RBFOX3: variants seen among roughly 807,000 people sequenced by gnomAD.
RBFOX3 encodes RNA binding protein fox-1 homolog 3.
Under a neutral mutation model 48.7 loss-of-function variants are expected in RBFOX3, and 17 were observed. That is an observed-to-expected ratio of 0.35 (90% CI 0.24 to 0.52). The LOEUF (loss-of-function observed/expected upper bound fraction) is 0.52, where lower values mean the gene tolerates loss of function less well. Ranked by LOEUF, RBFOX3 falls within the 20% of genes least tolerant of loss-of-function variation. RBFOX3 has a pLI of 0.94. For synonymous variants in RBFOX3, 212 were observed against 209.5 expected (o/e 1.01, Z -0.10); for missense variants, 382 against 497.5 (o/e 0.77, Z 2.21).
intron 2 of RBFOX3, among the ~76,000 whole-genome samples, chr17:79,332,825 A>T (rs370439285): frequency 5.9e-4 from 89 of 151,932 alleles, no homozygotes; most frequent in African/African-American, 2.0e-3. Flanking sequence ...AGACAGAGAC[A>T]TAGAGAAAGA....
chr17:79,188,060 G>A (rs1037321965), intron 4 of RBFOX3, among the ~76,000 whole-genome samples: 16 of 152,254 alleles, frequency 1.1e-4, no homozygotes, highest in Admixed American at 9.2e-4. Context: ...AGAAAAGCCG[G>A]CAGAGGGTCC....
chr17:79,560,566 A>G (rs2092143603), intron 1 of RBFOX3, among the ~76,000 whole-genome samples: 1 of 152,182 alleles, frequency 6.6e-6, no homozygotes, highest in Non-Finnish European at 1.5e-5. Flanking sequence ...GTCCAGGAAC[A>G]TTGAAGAATA....
At chr17:79,193,806 A>T (rs2054999229) in intron 4 of RBFOX3, among the ~76,000 whole-genome samples, 1 of 152,182 alleles carries the variant, frequency 6.6e-6, no homozygotes, top group Non-Finnish European at 1.5e-5. Context: ...TACAGGAAAA[A>T]GTGGTCTGCT....
At chr17:79,431,985 C>A (rs781922239) in intron 2 of RBFOX3, among the ~76,000 whole-genome samples, 1 of 152,186 alleles carries the variant, frequency 6.6e-6, no homozygotes, top group African/African-American at 2.4e-5. Flanking sequence ...TGGTAAACAC[C>A]GACGTAATTT....
At chr17:79,406,958 G>A (rs1193330141) in intron 2 of RBFOX3, among the ~76,000 whole-genome samples, 1 of 152,210 alleles carries the variant, frequency 6.6e-6, no homozygotes, top group Non-Finnish European at 1.5e-5. Flanking sequence ...GGTGGAGAGA[G>A]AGGTGAGCTG....
intron 1 of RBFOX3, among the ~76,000 whole-genome samples, chr17:79,523,946 GC>G (rs2086467023): frequency 6.6e-6 from 1 of 152,090 alleles, no homozygotes; most frequent in Non-Finnish European, 1.5e-5. Context: ...GGAAAACGGG[GC>G]CAGACTTTCA....
chr17:79,097,765 A>C lies in RBFOX3; in HGVS notation c.569-20T>G, dbSNP rs542811285. The C allele has an allele frequency of 6.4e-7, 1 of 1,550,596 alleles. No homozygotes were observed. The highest frequency in any genetic ancestry group is 1.4e-5 in the African/African-American group (1 of 73,006). ...TCCAGCCTAAAACAAAGGCACAGAGACCTAGTCACTGCCTTCCCCGACCCT... is the reference window on the plus strand; with the variant it reads ...TCCAGCCTAAAACAAAGGCACAGAGCCCTAGTCACTGCCTTCCCCGACCCT... On this transcript the variant is annotated intron_variant, in intron 9 of 14. Transcript: ENST00000693108.
At chr17:79,548,914 C>A (rs964038407) in intron 1 of RBFOX3, among the ~76,000 whole-genome samples, 3 of 152,234 alleles carry the variant, frequency 2.0e-5, no homozygotes, top group Non-Finnish European at 2.9e-5. Flanking sequence ...TCGCTAGATA[C>A]CATGGTAATT....
At chr17:79,295,055 C>T (rs1452196838) in intron 3 of RBFOX3, among the ~76,000 whole-genome samples, 1 of 152,128 alleles carries the variant, frequency 6.6e-6, no homozygotes, top group Non-Finnish European at 1.5e-5. Flanking sequence ...TGAAGTCTAG[C>T]TTGCCTTTCC....
chr17:79,502,619 C>T (rs1263360338), intron 1 of RBFOX3, among the ~76,000 whole-genome samples: 1 of 152,224 alleles, frequency 6.6e-6, no homozygotes, highest in Non-Finnish European at 1.5e-5. Flanking sequence ...TTATCTCATG[C>T]CCCCAGCCTG....
At chr17:79,229,351 G>A (rs970902472) in intron 4 of RBFOX3, among the ~76,000 whole-genome samples, 2 of 149,846 alleles carry the variant, frequency 1.3e-5, no homozygotes, top group Non-Finnish European at 3.0e-5. Context: ...GAGGTCAGGA[G>A]TTTGACACCA....
chr17:79,292,351 G>A (rs138728127), intron 3 of RBFOX3, among the ~76,000 whole-genome samples: 1,532 of 152,084 alleles, frequency 0.01, 29 homozygotes, highest in African/African-American at 0.035. Context: ...ATTCTATTGT[G>A]CCTTCCTTGT....
At chr17:79,331,324 T>C (rs933980856) in intron 2 of RBFOX3, among the ~76,000 whole-genome samples, 4 of 152,138 alleles carry the variant, frequency 2.6e-5, no homozygotes, top group Admixed American at 6.5e-5. Flanking sequence ...TCGCCACATG[T>C]CTGGGATGGC....
intron 2 of RBFOX3, among the ~76,000 whole-genome samples, chr17:79,329,158 G>T (rs1323248745): frequency 6.6e-6 from 1 of 152,158 alleles, no homozygotes; most frequent in Non-Finnish European, 1.5e-5. Context: ...ATTCACATCT[G>T]CTCTGAGCTT....
At chr17:79,264,115 G>A (rs2066268739) in intron 3 of RBFOX3, among the ~76,000 whole-genome samples, 1 of 149,860 alleles carries the variant, frequency 6.7e-6, no homozygotes, top group African/African-American at 2.4e-5. Context: ...TTTTTAAGAC[G>A]GAGTTTTGCT....
chr17:79,219,758 C>T (rs2059490224), intron 4 of RBFOX3, among the ~76,000 whole-genome samples: 1 of 151,536 alleles, frequency 6.6e-6, no homozygotes, highest in Admixed American at 6.6e-5. Context: ...TCCCAGGGTC[C>T]GGTTTCCCAC....
At position 79,199,933 on chromosome 17, in the gene RBFOX3, G is replaced by A. The variant is rs1443359071; in HGVS notation, c.-34+35833C>T. Among the ~76,000 whole-genome samples the A allele has an allele frequency of 1.3e-5, 2 of 152,110 alleles. No homozygotes were observed. Among genetic ancestry groups the A allele is most frequent in the Admixed American group, 6.6e-5 (1 of 15,260 alleles). On this transcript the variant is annotated intron_variant, in intron 4 of 14. Coordinates refer to ENST00000693108, the MANE Select transcript of RBFOX3 (RefSeq NM_001350451.2). The surrounding 1 kb of genome is among the most constrained non-coding windows in gnomAD (Gnocchi z 5.1). ...CCCAGCACTTTGGGAGGCCGAGGTGGGTGGATCACCTGAAGTCAGGAGTTC... is the reference window on the plus strand; with the variant it reads ...CCCAGCACTTTGGGAGGCCGAGGTGAGTGGATCACCTGAAGTCAGGAGTTC...
chr17:79,449,940 G>A (rs1275480875), intron 2 of RBFOX3, among the ~76,000 whole-genome samples: 2 of 152,176 alleles, frequency 1.3e-5, no homozygotes, highest in Non-Finnish European at 2.9e-5. Context: ...TCACTCATTA[G>A]GCTAATCACA....
rs1214843715 is a variant in RBFOX3, at chr17:79,421,661, C to T, written c.-175+60793G>A. On this transcript the variant is annotated intron_variant, in intron 2 of 14. Coordinates refer to ENST00000693108, the MANE Select transcript of RBFOX3 (RefSeq NM_001350451.2). The surrounding 1 kb of genome is among the most constrained non-coding windows in gnomAD (Gnocchi z 4.5). ...TGCGGGACCCCAGGGGCACACCGAA[C>T]GCGGTCACCATAGGACCAAACAAGA... Among the ~76,000 whole-genome samples the T allele has an allele frequency of 1.3e-5, 2 of 152,126 alleles. No homozygotes were observed. Among genetic ancestry groups the T allele is most frequent in the South Asian group, 2.1e-4 (1 of 4,820 alleles).
Sources: allele counts gnomAD v4.1 joint callset (sites outside exome capture counted in the v4.1 genomes callset), GRCh38; gene constraint gnomAD v4.1.1; non-coding constraint Gnocchi (gnomAD v3.1); transcripts MANE v1.5; gene names NCBI Gene and HGNC (gene_info 2026-07-23, HGNC 2026-07-21).